The following MCPH1 variants were observed in gnomAD, a reference collection of about 807,000 sequenced individuals.
The protein encoded by MCPH1 is microcephalin.
Under a neutral mutation model 84.5 loss-of-function variants are expected in MCPH1, and 104 were observed. The ratio of observed to expected loss-of-function variants is 1.23; its 90% CI spans 1.05 to 1.45. The LOEUF (loss-of-function observed/expected upper bound fraction) is 1.45, where lower values mean the gene tolerates loss of function less well. MCPH1 is among the 40% of genes most tolerant of loss of function. The pLI, the probability that MCPH1 is intolerant of heterozygous loss-of-function variation, is 0.00. For synonymous variants in MCPH1, 514 were observed against 366.8 expected (o/e 1.40, Z -4.58); for missense variants, 1,498 against 1,005.7 (o/e 1.49, Z -6.62).
chr8:6,468,071 C>G (rs1172138620), intron 9 of MCPH1, among the ~76,000 whole-genome samples: 1 of 152,162 alleles, frequency 6.6e-6, no homozygotes, highest in African/African-American at 2.4e-5. Flanking sequence ...AGTTTCTGCC[C>G]TACACCTTAG....
chr8:6,544,901 G>A (rs1408140066), intron 12 of MCPH1, among the ~76,000 whole-genome samples: 1 of 151,878 alleles, frequency 6.6e-6, no homozygotes, highest in African/African-American at 2.4e-5. Flanking sequence ...AGATTCTTTG[G>A]TCAGTAGTCT....
intron 9 of MCPH1, among the ~76,000 whole-genome samples, chr8:6,467,148 C>T (rs1807083091): frequency 6.6e-6 from 1 of 152,072 alleles, no homozygotes; most frequent in East Asian, 1.9e-4. Flanking sequence ...TTTGGCATAT[C>T]CTTTTGTGAC....
chr8:6,557,878 G>T (rs1226136582), intron 12 of MCPH1, among the ~76,000 whole-genome samples: 1 of 152,090 alleles, frequency 6.6e-6, no homozygotes, highest in Non-Finnish European at 1.5e-5. Context: ...CCACAAAGCT[G>T]ACCAGGCCCT....
At chr8:6,598,192 G>A (rs1240323558) in intron 12 of MCPH1, among the ~76,000 whole-genome samples, 1 of 152,224 alleles carries the variant, frequency 6.6e-6, no homozygotes, top group Non-Finnish European at 1.5e-5. Context: ...GTGAGCACCA[G>A]AGACTCCGTG....
chr8:6,504,557 T>C (rs540531495), intron 12 of MCPH1, among the ~76,000 whole-genome samples: 2 of 152,218 alleles, frequency 1.3e-5, no homozygotes, highest in Admixed American at 6.5e-5. Flanking sequence ...GACTTAATAA[T>C]GGCCCCAAAA....
intron 12 of MCPH1, among the ~76,000 whole-genome samples, chr8:6,510,564 T>C (rs1814846126): frequency 6.6e-6 from 1 of 152,214 alleles, no homozygotes; most frequent in East Asian, 1.9e-4. Flanking sequence ...TGGATGCTTA[T>C]AACCACCTGC....
At chr8:6,492,583 C>G (rs1477157287) in intron 11 of MCPH1, among the ~76,000 whole-genome samples, 1 of 150,382 alleles carries the variant, frequency 6.6e-6, no homozygotes, top group African/African-American at 2.4e-5. Context: ...CCAAGGTTTT[C>G]TATGCTATAG....
At chr8:6,569,996 C>A (rs1471933101) in intron 12 of MCPH1, among the ~76,000 whole-genome samples, 1 of 152,230 alleles carries the variant, frequency 6.6e-6, no homozygotes, top group Non-Finnish European at 1.5e-5. Context: ...TAATGCAGAG[C>A]TGAATTCAAA....
intron 12 of MCPH1, among the ~76,000 whole-genome samples, chr8:6,589,075 A>G (rs1828232936): frequency 6.6e-6 from 1 of 152,202 alleles, no homozygotes; most frequent in Non-Finnish European, 1.5e-5. Flanking sequence ...AAAATTATTA[A>G]AACACCTGGA....
chr8:6,600,705 C>G (rs1008415090), intron 12 of MCPH1, among the ~76,000 whole-genome samples: 3 of 152,194 alleles, frequency 2.0e-5, no homozygotes, highest in Non-Finnish European at 4.4e-5. Flanking sequence ...AACGATTCTA[C>G]TATGAAACGA....
chr8:6,431,616 G>T, intron 4 of MCPH1, 30 bp downstream of exon 4: 2 of 1,384,956 alleles, frequency 1.4e-6, no homozygotes, highest in South Asian at 1.2e-5. Context: ...GTAGATAATG[G>T]CAATTAGGAA....
intron 12 of MCPH1, among the ~76,000 whole-genome samples, chr8:6,582,130 G>A (rs149014503): frequency 4.6e-5 from 7 of 152,298 alleles, no homozygotes; most frequent in African/African-American, 7.2e-5. Flanking sequence ...TGTAAAGGAC[G>A]TCTGAGTGGG....
At chr8:6,500,299 G>A (rs1044534116) in intron 12 of MCPH1, 10 of 200,198 alleles carry the variant, frequency 5.0e-5, no homozygotes, top group Admixed American at 1.7e-4. Context: ...GCTTGCTGGT[G>A]CTGTGATAAC....
chr8:6,464,750 C>A (rs977851288), intron 9 of MCPH1, among the ~76,000 whole-genome samples: 2 of 152,230 alleles, frequency 1.3e-5, no homozygotes, highest in African/African-American at 2.4e-5. Flanking sequence ...ATAATCCCAG[C>A]ACTTTGGGAG....
chr8:6,532,014 C>G (rs1353586462), intron 12 of MCPH1, among the ~76,000 whole-genome samples: 1 of 152,152 alleles, frequency 6.6e-6, no homozygotes, highest in African/African-American at 2.4e-5. Flanking sequence ...AAAATGATTC[C>G]CGGAGTCCAG....
intron 12 of MCPH1, among the ~76,000 whole-genome samples, chr8:6,526,392 C>T (rs1034168258): frequency 1.1e-4 from 16 of 151,382 alleles, no homozygotes; most frequent in African/African-American, 3.6e-4. Flanking sequence ...TGAGATGGCA[C>T]CACTGCACTC....
At chr8:6,623,578 CTT>C (rs749388791) in intron 13 of MCPH1, among the ~76,000 whole-genome samples, 2 of 147,534 alleles carry the variant, frequency 1.4e-5, no homozygotes, top group Non-Finnish European at 3.0e-5. Flanking sequence ...TTACAAGTAT[CTT>C]TTACATGACT....
Position 6,645,105 on chromosome 8 carries a change from T to G in MCPH1, c.*2056T>G, listed in dbSNP as rs943930500. The G allele has an allele frequency of 6.6e-6, 1 of 152,242 alleles. No homozygotes were observed. Among genetic ancestry groups the G allele is most frequent in the African/African-American group, 2.4e-5 (1 of 41,442 alleles). The allele number at this position is 152,242 out of a possible 1,614,324, so 9.4% of individuals were successfully genotyped here. A position where few individuals can be genotyped will look rare whatever the true frequency, so the allele number is the denominator to read the frequency against. The stretch of plus-strand genomic sequence containing the variant: ...AATCCCTGAGGAGGCTGACAAACAT[T>G]GTGCTGACTCATGCTGGAGACAAGC... On this transcript the variant is annotated 3_prime_UTR_variant, in exon 14 of 14. Coordinates refer to ENST00000344683, the MANE Select transcript of MCPH1 (RefSeq NM_024596.5).
chr8:6,525,197 T>A (rs186464119), intron 12 of MCPH1, among the ~76,000 whole-genome samples: 126 of 152,332 alleles, frequency 8.3e-4, no homozygotes, highest in African/African-American at 2.7e-3. Flanking sequence ...TCAGTATTAA[T>A]AATAATTATT....
Sources: gnomAD v4.1 joint callset for allele counts (sites outside exome capture counted in the v4.1 genomes callset) on GRCh38, gnomAD v4.1.1 for gene constraint, MANE v1.5 for transcripts, NCBI Gene and HGNC (gene_info 2026-07-23, HGNC 2026-07-21) for gene names.